The following GABRP variants were observed in gnomAD, a reference collection of about 807,000 sequenced individuals.
The protein encoded by GABRP is gamma-aminobutyric acid receptor subunit pi.
GABRP carries 52 observed loss-of-function variants against 47.8 expected under a neutral mutation model. The ratio of observed to expected loss-of-function variants is 1.09; its 90% CI spans 0.87 to 1.37. GABRP has a LOEUF of 1.37. GABRP is among the 40% of genes most tolerant of loss of function. The pLI is 0.00. For synonymous variants in GABRP, 221 were observed against 205.8 expected, an observed-to-expected ratio of 1.07 and a Z score of -0.63; for missense variants, 525 against 542.8, an observed-to-expected ratio of 0.97 and a Z score of 0.33.
intron 6 of GABRP, 146 bp from the exon 7 acceptor site, chr5:170,805,570 C>A (rs1200967905): frequency 1.9e-5 from 17 of 890,962 alleles, no homozygotes; most frequent in Non-Finnish European, 2.7e-5. Flanking sequence ...CTTGGGAAAT[C>A]TTGCTAAGTT....
rs758857209 is a variant in GABRP, at chr5:170,795,254, G to T, written c.287G>T (p.Arg96Leu). The change falls in exon 5 of 10, where the codon CGG (arginine) becomes CTG (leucine). Residue 96 changes from arginine to leucine, a missense_variant. Transcript: ENST00000265294. ...CTCCGACAGCGCTGGATGGACCAGCGGCTGGTGTTTGAAGGCAACAAGAGC... is the reference window on the plus strand; with the variant it reads ...CTCCGACAGCGCTGGATGGACCAGCTGCTGGTGTTTGAAGGCAACAAGAGC... ...IYLRQRWMDQ[R>L]LVFEGNKSFT... 3 of 1,613,592 alleles carry T rather than the reference G, an allele frequency of 1.9e-6. No homozygotes were observed. Among genetic ancestry groups the T allele is most frequent in the South Asian group, 1.1e-5 (1 of 91,026 alleles).
rs1453710853 is a variant in GABRP at position 170,809,752 on chromosome 5, T to C, written c.1017T>C (p.Asp339=). 6.3e-7 allele frequency: 1 copy of C among 1,589,070 alleles called. No individual in the cohort carries two copies. The highest frequency in any genetic ancestry group is 1.3e-5 in the African/African-American group (1 of 74,664). The stretch of plus-strand genomic sequence containing the variant: ...CCTTACAGCAGATGGCAGCCAAAGA[T>C]AGGGTAAGAGTCTTGAGGGCCCTGT... ...YSSLQQMAAK[D]RGTTKEVEEV... The change falls in exon 9 of 10, where the codon GAT becomes GAC. Residue 339 remains aspartate, a synonymous_variant. Transcript: ENST00000265294.
intron 6 of GABRP, 58 bp from the exon 7 acceptor site, chr5:170,805,658 C>A: frequency 6.3e-7 from 1 of 1,590,342 alleles, no homozygotes; most frequent in Non-Finnish European, 8.6e-7. Flanking sequence ...TTTTCCAGAC[C>A]AGACCAGTTC....
At chr5:170,810,132 G>A (rs1765844112) in intron 9 of GABRP, 1 of 490,308 alleles carries the variant, frequency 2.0e-6, no homozygotes, top group East Asian at 3.2e-5. Flanking sequence ...GCATTATTTT[G>A]TCCTTAAATT....
Position 170,805,697 on chromosome 5 carries a change from G to C in GABRP, c.542-19G>C. ...CTGGAACACCCTTGCACTGACCAGG[G>C]CTCCATTTTATTTGCCAGGGGGCTA... On this transcript the variant is annotated intron_variant, in intron 6 of 9. Transcript: ENST00000265294. The C allele has an allele frequency of 6.2e-7, 1 of 1,613,948 alleles. No individual in the cohort carries two copies. Among genetic ancestry groups the C allele is most frequent in the South Asian group, 1.1e-5 (1 of 91,004 alleles).
At chr5:170,802,457 G>T (rs1336869394) in intron 6 of GABRP, among the ~76,000 whole-genome samples, 6 of 152,282 alleles carry the variant, frequency 3.9e-5, no homozygotes, top group South Asian at 2.1e-4. Flanking sequence ...TAAAGACCCA[G>T]AAAAACAGAT....
intron 3 of GABRP, among the ~76,000 whole-genome samples, chr5:170,792,199 T>G (rs1256594965): frequency 2.0e-5 from 3 of 152,026 alleles, no homozygotes; most frequent in African/African-American, 7.3e-5. Context: ...TCCCAGCACT[T>G]TGGGAGGCTG....
chr5:170,799,094 T>C (rs148669469), intron 6 of GABRP, among the ~76,000 whole-genome samples: 5,886 of 152,270 alleles, frequency 0.039, 385 homozygotes, highest in African/African-American at 0.13. Context: ...TCCATGTCTC[T>C]ACAAAGGACA....
intron 6 of GABRP, among the ~76,000 whole-genome samples, chr5:170,798,310 A>G (rs6867683): frequency 0.52 from 79,408 of 151,810 alleles, 23,273 homozygotes; most frequent in African/African-American, 0.81. Context: ...CAAAGTGCTG[A>G]GATTACAGGC....
At position 170,812,015 on chromosome 5, in the gene GABRP, C is replaced by A; in HGVS notation, c.1080C>A (p.Ser360=). The A allele has an allele frequency of 1.9e-6, 3 of 1,614,164 alleles. No individual in the cohort carries two copies. The highest frequency in any genetic ancestry group is 2.5e-6 in the Non-Finnish European group (3 of 1,180,018). ...CTAATATCATCAACAGCTCCATCTCCAGCTTTAAACGGAAGATCAGCTTTG... is the reference window on the plus strand; with the variant it reads ...CTAATATCATCAACAGCTCCATCTCAAGCTTTAAACGGAAGATCAGCTTTG... ...SITNIINSSI[S]SFKRKISFAS... The change falls in exon 10 of 10, where the codon TCC becomes TCA. Residue 360 remains serine, a synonymous_variant. Coordinates refer to ENST00000265294, the MANE Select transcript of GABRP (RefSeq NM_014211.3).
intron 9 of GABRP, 56 bp from the exon 10 acceptor site, chr5:170,811,900 C>T (rs3805458): frequency 0.23 from 349,513 of 1,490,094 alleles, 42,663 homozygotes; most frequent in African/African-American, 0.34. Context: ...TCATTACCTA[C>T]TTATTTATTT....
chr5:170,798,104 C>T (rs780163116), intron 6 of GABRP, among the ~76,000 whole-genome samples: 23 of 152,228 alleles, frequency 1.5e-4, no homozygotes, highest in Non-Finnish European at 5.9e-5. Flanking sequence ...TGTGGTGGCG[C>T]GATCTCGGCT....
At chr5:170,799,193 G>C (rs568280417) in intron 6 of GABRP, among the ~76,000 whole-genome samples, 1 of 152,064 alleles carries the variant, frequency 6.6e-6, no homozygotes, top group Non-Finnish European at 1.5e-5. Flanking sequence ...TTGGACATTT[G>C]GCTTGGTTCC....
chr5:170,790,009 C>G (rs1765225455), intron 3 of GABRP, among the ~76,000 whole-genome samples: 2 of 152,212 alleles, frequency 1.3e-5, no homozygotes, highest in Admixed American at 1.3e-4. Context: ...GCCTCAAAAT[C>G]ATAGCCGTTC....
At chr5:170,792,878 T>C (rs1227585910) in intron 3 of GABRP, among the ~76,000 whole-genome samples, 1 of 152,154 alleles carries the variant, frequency 6.6e-6, no homozygotes, top group Non-Finnish European at 1.5e-5. Context: ...ATTATCACAG[T>C]CCCCTGAGGT....
intron 3 of GABRP, among the ~76,000 whole-genome samples, chr5:170,790,064 G>A (rs748218186): frequency 3.3e-5 from 5 of 152,166 alleles, no homozygotes; most frequent in African/African-American, 7.2e-5. Flanking sequence ...GCTCCAGGCT[G>A]CAGCCCTAGA....
chr5:170,794,732 G>C (rs1355395726), intron 4 of GABRP, among the ~76,000 whole-genome samples: 1 of 152,062 alleles, frequency 6.6e-6, no homozygotes, highest in Non-Finnish European at 1.5e-5. Flanking sequence ...TCTCCCTTAA[G>C]AGAACATATT....
chr5:170,809,578 C>T lies in GABRP; in HGVS notation c.843C>T (p.Thr281=), dbSNP rs775470739. The change falls in exon 9 of 10, where the codon ACC becomes ACT. Residue 281 remains threonine (T), a synonymous_variant. Coordinates refer to ENST00000265294, the MANE Select transcript of GABRP (RefSeq NM_014211.3). ...TGCCTGTTTTCCCAGGAGTGACGACCGTGTTATCAATGACCACACTGATGA... is the reference window on the plus strand; with the variant it reads ...TGCCTGTTTTCCCAGGAGTGACGACTGTGTTATCAATGACCACACTGATGA... The part of the protein sequence containing the change: ...VPARTCIGVT[T]VLSMTTLMIG... 31 of 1,613,728 alleles carry T rather than the reference C, an allele frequency of 1.9e-5. No homozygotes were observed. Among genetic ancestry groups the T allele is most frequent in the Admixed American group, 1.3e-4 (8 of 59,994 alleles).
intron 5 of GABRP, 138 bp downstream of exon 5, chr5:170,795,563 T>C (rs1431205815): frequency 3.0e-6 from 2 of 677,610 alleles, no homozygotes; most frequent in East Asian, 2.7e-5. Context: ...GCCCCCATAA[T>C]AGAAGGTCCC....
Sources: gnomAD v4.1 joint callset for allele counts (sites outside exome capture counted in the v4.1 genomes callset) on GRCh38, gnomAD v4.1.1 for gene constraint, MANE v1.5 for transcripts, NCBI Gene and HGNC (gene_info 2026-07-23, HGNC 2026-07-21) for gene names.